Variants in TRDN observed in about 807,000 individuals in gnomAD.
The protein encoded by TRDN is triadin in skeletal muscle.
A neutral mutation model predicts 149.7 loss-of-function variants in TRDN; 161 were observed. That is an observed-to-expected ratio of 1.08 (90% CI 0.95 to 1.23). The LOEUF is 1.23. Among genes scored for constraint, TRDN ranks in the 50% most tolerant of loss-of-function variants. TRDN has a pLI of 0.00. For missense variants in TRDN, 896 were observed against 823.5 expected, an observed-to-expected ratio of 1.09 and a Z score of -1.08; for synonymous variants, 294 against 250.5, an observed-to-expected ratio of 1.17 and a Z score of -1.64.
chr6:123,449,111 C>G (rs780517033), intron 10 of TRDN, among the ~76,000 whole-genome samples: 3 of 152,032 alleles, frequency 2.0e-5, no homozygotes, highest in Non-Finnish European at 4.4e-5. Context: ...AGAGCCTACC[C>G]AAATGAGAAG....
chr6:123,523,183 T>C (rs1779773681), intron 5 of TRDN, among the ~76,000 whole-genome samples: 2 of 151,984 alleles, frequency 1.3e-5, no homozygotes, highest in African/African-American at 4.8e-5. Context: ...ATCAAAGAAA[T>C]AAGCAGGCTT....
At chr6:123,555,006 A>G (rs1781574214) in intron 2 of TRDN, among the ~76,000 whole-genome samples, 1 of 152,170 alleles carries the variant, frequency 6.6e-6, no homozygotes, top group African/African-American at 2.4e-5. Flanking sequence ...TGAATTTAAT[A>G]GTCTTCTGAG....
chr6:123,291,083 A>G (rs1379982050), intron 24 of TRDN, among the ~76,000 whole-genome samples: 1 of 151,948 alleles, frequency 6.6e-6, no homozygotes, highest in Non-Finnish European at 1.5e-5. Flanking sequence ...TTTGAACCCA[A>G]GAGGCAGAGG....
chr6:123,437,818 T>C (rs1774655520), intron 12 of TRDN, among the ~76,000 whole-genome samples: 1 of 152,126 alleles, frequency 6.6e-6, no homozygotes, highest in South Asian at 2.1e-4. Context: ...TTACAAACAT[T>C]CCTGCGTTTT....
At chr6:123,436,575 G>T (rs1347560668) in intron 12 of TRDN, among the ~76,000 whole-genome samples, 1 of 151,936 alleles carries the variant, frequency 6.6e-6, no homozygotes, top group East Asian at 1.9e-4. Context: ...GACATCCTAT[G>T]TATGCTCTTC....
At chr6:123,340,285 A>G (rs1042971084) in intron 21 of TRDN, among the ~76,000 whole-genome samples, 1 of 152,104 alleles carries the variant, frequency 6.6e-6, no homozygotes, top group Non-Finnish European at 1.5e-5. Context: ...CCAAACTACA[A>G]GTATTCATCT....
rs891232039 is a variant in TRDN at position 123,588,090 on chromosome 6, A to C, written c.23-16958T>G. Among the ~76,000 whole-genome samples the C allele has an allele frequency of 2.1e-4, 32 of 152,250 alleles. 1 individual carries two copies. The highest frequency in any genetic ancestry group is 7.5e-4 in the African/African-American group (31 of 41,544). On this transcript the variant is annotated intron_variant, in intron 1 of 40. Coordinates refer to ENST00000334268, the MANE Select transcript of TRDN (RefSeq NM_006073.4). ...GAATAGATGGCAAATGTCTCTTATC[A>C]GACCCCAAAAGGTGCTAGACTCTCA...
intron 20 of TRDN, among the ~76,000 whole-genome samples, chr6:123,364,203 G>T (rs1037548380): frequency 9.2e-5 from 14 of 152,140 alleles, no homozygotes; most frequent in African/African-American, 3.4e-4. Flanking sequence ...TTTGGCCAAG[G>T]TTTTCTTCTA....
At chr6:123,269,585 C>G (rs1216133229) in intron 31 of TRDN, among the ~76,000 whole-genome samples, 1 of 151,752 alleles carries the variant, frequency 6.6e-6, no homozygotes, top group Non-Finnish European at 1.5e-5. Context: ...TAGTTATAAT[C>G]ATTAATTAGT....
At chr6:123,508,359 CA>C (rs1779023013) in intron 7 of TRDN, among the ~76,000 whole-genome samples, 1 of 152,056 alleles carries the variant, frequency 6.6e-6, no homozygotes, top group African/African-American at 2.4e-5. Flanking sequence ...AAAGATGATA[CA>C]AAAACTGTAT....
intron 8 of TRDN, among the ~76,000 whole-genome samples, chr6:123,499,988 T>C (rs1778631925): frequency 1.3e-5 from 2 of 151,684 alleles, no homozygotes; most frequent in Non-Finnish European, 2.9e-5. Flanking sequence ...CAGGGAATCC[T>C]GAAACCTATC....
intron 12 of TRDN, chr6:123,421,771 C>CCAGCCTGG (rs2114543707): frequency 7.2e-6 from 1 of 138,234 alleles, no homozygotes; most frequent in African/African-American, 2.8e-5. Context: ...GAGTTTGATA[C>CCAGCCTGG]CAGCCTGGTC....
chr6:123,428,378 A>T (rs1774208764), intron 12 of TRDN, among the ~76,000 whole-genome samples: 2 of 152,144 alleles, frequency 1.3e-5, no homozygotes, highest in South Asian at 4.1e-4. Context: ...CAGGACATGA[A>T]CAAGAGAGGA....
intron 1 of TRDN, among the ~76,000 whole-genome samples, chr6:123,623,840 C>G (rs1403479515): frequency 6.6e-6 from 1 of 152,092 alleles, no homozygotes; most frequent in Non-Finnish European, 1.5e-5. Flanking sequence ...ATATTAATAT[C>G]TCATCAGTTG....
Position 123,466,393 on chromosome 6 carries a change from T to C in TRDN, c.854-1410A>G, listed in dbSNP as rs75828050. On this transcript the variant is annotated intron_variant, in intron 9 of 40. Transcript: ENST00000334268. ...TCACAAGCTCTTTGGGATGTGCATATTAGTCTCATTTTATAGTTTTTAAAA... is the reference window on the plus strand; with the variant it reads ...TCACAAGCTCTTTGGGATGTGCATACTAGTCTCATTTTATAGTTTTTAAAA... 5.8e-3 allele frequency among the ~76,000 whole-genome samples: 890 copies of C among 152,280 alleles called. 13 individuals are homozygous for C. The highest frequency in any genetic ancestry group is 0.02 in the African/African-American group (836 of 41,568).
intron 9 of TRDN, among the ~76,000 whole-genome samples, chr6:123,477,034 G>A: frequency 1.3e-5 from 1 of 78,744 alleles, no homozygotes; most frequent in African/African-American, 5.3e-5. Context: ...CAAAAGCAAT[G>A]GCAACAAAAG....
chr6:123,566,450 A>G (rs1782302295), intron 2 of TRDN, among the ~76,000 whole-genome samples: 1 of 152,222 alleles, frequency 6.6e-6, no homozygotes, highest in Non-Finnish European at 1.5e-5. Flanking sequence ...GGGGAATTGT[A>G]AAGGTTGCCC....
At position 123,222,323 on chromosome 6, in the gene TRDN, C is replaced by T. The variant is rs80190601; in HGVS notation, c.2015-801G>A. On this transcript the variant is annotated intron_variant, in intron 39 of 40. Coordinates refer to ENST00000334268, the MANE Select transcript of TRDN (RefSeq NM_006073.4). ...CCCTCAGAGTGTAATCTATATACCA[C>T]TAGTTTCAGCATCAATTGATTTATT... Among the ~76,000 whole-genome samples, 736 of 151,628 alleles carry T rather than the reference C, an allele frequency of 4.9e-3. 1 individual carries two copies. The highest frequency in any genetic ancestry group is 7.5e-3 in the Non-Finnish European group (508 of 67,750).
intron 9 of TRDN, among the ~76,000 whole-genome samples, chr6:123,481,136 A>T (rs889815285): frequency 6.6e-6 from 1 of 152,104 alleles, no homozygotes; most frequent in Non-Finnish European, 1.5e-5. Flanking sequence ...ATACTCACGA[A>T]ATTTAAAAGT....
Sources: gnomAD v4.1 joint callset for allele counts (sites outside exome capture counted in the v4.1 genomes callset) on GRCh38, gnomAD v4.1.1 for gene constraint, MANE v1.5 for transcripts, NCBI Gene and HGNC (gene_info 2026-07-23, HGNC 2026-07-21) for gene names.